Variants in KIAA1217 observed in about 807,000 individuals in gnomAD.
KIAA1217 encodes the protein sickle tail protein homolog.
Under a neutral mutation model 163.9 loss-of-function variants are expected in KIAA1217, and 88 were observed. The observed-to-expected ratio is 0.54, with a 90% CI of 0.45 to 0.64. The LOEUF is 0.64. Ranked by LOEUF, KIAA1217 falls within the 30% of genes least tolerant of loss-of-function variation. The probability of loss-of-function intolerance (pLI) is 0.00; values close to 1 mark genes in which losing one functional copy is unlikely to be tolerated. For missense variants in KIAA1217, 2,372 were observed against 2,475.0 expected (o/e 0.96, Z 0.88); for synonymous variants, 903 against 923.1 (o/e 0.98, Z 0.39).
At chr10:24,323,647 T>C (rs1293300235) in intron 2 of KIAA1217, among the ~76,000 whole-genome samples, 1 of 152,180 alleles carries the variant, frequency 6.6e-6, no homozygotes, top group Non-Finnish European at 1.5e-5. Flanking sequence ...CCACCTGCTT[T>C]GTAATGCCAT....
chr10:23,802,825 T>C (rs1228793352), intron 1 of KIAA1217, among the ~76,000 whole-genome samples: 1 of 152,172 alleles, frequency 6.6e-6, no homozygotes, highest in East Asian at 1.9e-4. Context: ...CCTTAGAGTG[T>C]TTTGTGGAGT....
At chr10:23,703,209 G>A (rs1462588570) in intron 1 of KIAA1217, among the ~76,000 whole-genome samples, 2 of 152,120 alleles carry the variant, frequency 1.3e-5, no homozygotes, top group Admixed American at 6.5e-5. Flanking sequence ...CCCTCCTGGC[G>A]GTCACCTATA....
At chr10:24,164,238 C>T (rs1236266847) in intron 2 of KIAA1217, among the ~76,000 whole-genome samples, 2 of 152,180 alleles carry the variant, frequency 1.3e-5, no homozygotes, top group South Asian at 2.1e-4. Context: ...GATGAACAGG[C>T]TTCCGCCCCA....
chr10:23,728,326 G>T (rs550267141), intron 1 of KIAA1217, among the ~76,000 whole-genome samples: 1 of 152,252 alleles, frequency 6.6e-6, no homozygotes, highest in East Asian at 1.9e-4. Context: ...TCCAGCATCT[G>T]TTGTTTCCTG....
At chr10:24,215,797 G>T (rs2068742712) in intron 1 of KIAA1217, among the ~76,000 whole-genome samples, 1 of 152,190 alleles carries the variant, frequency 6.6e-6, no homozygotes, top group Non-Finnish European at 1.5e-5. Flanking sequence ...GTGGCTCTGA[G>T]TGCTGGTGAC....
chr10:24,127,321 G>A (rs778524843), intron 2 of KIAA1217, among the ~76,000 whole-genome samples: 13 of 152,092 alleles, frequency 8.5e-5, no homozygotes, highest in Non-Finnish European at 1.6e-4. Context: ...GGGTGGGGTT[G>A]GGGAGGGTTT....
At chr10:24,271,154 C>CA (rs1329943659) in intron 2 of KIAA1217, among the ~76,000 whole-genome samples, 1 of 152,090 alleles carries the variant, frequency 6.6e-6, no homozygotes, top group Non-Finnish European at 1.5e-5. Context: ...TCCAATTTGG[C>CA]ATCAAAGTTA....
intron 1 of KIAA1217, among the ~76,000 whole-genome samples, chr10:23,747,804 T>G (rs1839492015): frequency 6.6e-6 from 1 of 152,190 alleles, no homozygotes; most frequent in Non-Finnish European, 1.5e-5. Flanking sequence ...ATTGTTTCTG[T>G]GACTGATACG....
chr10:24,537,696 G>A (rs4748953), intron 17 of KIAA1217, among the ~76,000 whole-genome samples: 12,571 of 152,122 alleles, frequency 0.083, 624 homozygotes, highest in East Asian at 0.13. Context: ...TTGCACAAAC[G>A]TCCAAGGATG....
intron 1 of KIAA1217, among the ~76,000 whole-genome samples, chr10:23,913,215 C>G (rs1350437850): frequency 6.6e-6 from 1 of 151,820 alleles, no homozygotes; most frequent in Non-Finnish European, 1.5e-5. Context: ...CATTAGCCTC[C>G]CAGACTGCAG....
intron 2 of KIAA1217, among the ~76,000 whole-genome samples, chr10:24,254,200 G>A (rs961029818): frequency 2.0e-5 from 3 of 152,212 alleles, no homozygotes; most frequent in African/African-American, 7.2e-5. Context: ...AAGATTGGCT[G>A]AACAAAGACA....
intron 1 of KIAA1217, among the ~76,000 whole-genome samples, chr10:23,713,812 A>G (rs1234580011): frequency 6.6e-6 from 1 of 152,176 alleles, no homozygotes; most frequent in South Asian, 2.1e-4. Flanking sequence ...ATGCCCCAGC[A>G]AAATAATGCC....
At chr10:24,256,803 G>T (rs1011195408) in intron 2 of KIAA1217, among the ~76,000 whole-genome samples, 16 of 152,160 alleles carry the variant, frequency 1.1e-4, no homozygotes, top group African/African-American at 3.1e-4. Flanking sequence ...ATATCTTTGT[G>T]TTGAGGTGAT....
Position 24,138,057 on chromosome 10 carries a change from G to A in KIAA1217, c.-170-81569G>A, listed in dbSNP as rs914169948. Among the ~76,000 whole-genome samples the A allele has an allele frequency of 4.6e-5, 7 of 152,284 alleles. No individual in the cohort carries two copies. The East Asian group carries it at 7.7e-4, about 17-fold the overall frequency. The stretch of plus-strand genomic sequence containing the variant: ...AAAATGAAAGATAAACACTATGAAC[G>A]TATAGTAGCATAAGGTTCTTTCCAA... On this transcript the variant is annotated intron_variant, in intron 2 of 18. Coordinates refer to the KIAA1217 transcript ENST00000376462.
intron 1 of KIAA1217, among the ~76,000 whole-genome samples, chr10:23,911,090 A>T (rs1842409184): frequency 6.6e-6 from 1 of 152,180 alleles, no homozygotes. Flanking sequence ...TTTAATCTGT[A>T]TAAATATTCT....
At chr10:23,931,100 C>T (rs1282905028) in intron 1 of KIAA1217, among the ~76,000 whole-genome samples, 3 of 152,050 alleles carry the variant, frequency 2.0e-5, no homozygotes, top group Non-Finnish European at 4.4e-5. Context: ...GCTAACTCAC[C>T]CCGCCTGCTT....
At chr10:24,402,516 C>CAAAAAAAAA (rs372012492) in intron 3 of KIAA1217, among the ~76,000 whole-genome samples, 41 of 92,958 alleles carry the variant, frequency 4.4e-4, no homozygotes, top group Non-Finnish European at 5.2e-4. Context: ...CTCAAAAAAA[C>CAAAAAAAAA]AAAAAACAAA....
At chr10:23,803,363 G>A (rs1007178290) in intron 1 of KIAA1217, among the ~76,000 whole-genome samples, 1 of 152,198 alleles carries the variant, frequency 6.6e-6, no homozygotes, top group African/African-American at 2.4e-5. Context: ...CCTCCCAGAA[G>A]GGGTTATGCC....
chr10:24,330,526 A>G (rs2045539871), intron 2 of KIAA1217, among the ~76,000 whole-genome samples: 1 of 152,214 alleles, frequency 6.6e-6, no homozygotes, highest in African/African-American at 2.4e-5. Context: ...CTTCCAGAAC[A>G]TCTAACTAAG....
Sources: gnomAD v4.1 joint callset for allele counts (sites outside exome capture counted in the v4.1 genomes callset) on GRCh38, gnomAD v4.1.1 for gene constraint, MANE v1.5 for transcripts, NCBI Gene and HGNC (gene_info 2026-07-23, HGNC 2026-07-21) for gene names.